Variants in BECN1 observed in about 807,000 individuals in gnomAD.
BECN1 encodes the protein beclin 1.
BECN1 carries 15 observed loss-of-function variants against 60.1 expected under a neutral mutation model. That is an observed-to-expected ratio of 0.25 (90% CI 0.17 to 0.38). BECN1 has a LOEUF of 0.38. Among genes scored for constraint, BECN1 ranks in the 10% least tolerant of loss-of-function variants. BECN1 has a pLI of 1.00. For missense variants in BECN1, 424 were observed against 548.2 expected, an observed-to-expected ratio of 0.77 and a Z score of 2.26; for synonymous variants, 179 against 201.8, an observed-to-expected ratio of 0.89 and a Z score of 0.96.
chr17:42,816,310 A>G (rs1288970104), intron 7 of BECN1, among the ~76,000 whole-genome samples: 2 of 152,216 alleles, frequency 1.3e-5, no homozygotes, highest in Non-Finnish European at 2.9e-5. Flanking sequence ...CAGGGCAAAA[A>G]ACCTCTTATT....
chr17:42,812,064 T>C (rs1164007035), intron 10 of BECN1: 1 of 412,438 alleles, frequency 2.4e-6, no homozygotes, highest in Non-Finnish European at 4.3e-6. Context: ...ACAAAACCTT[T>C]CCAGGAAGAG....
intron 2 of BECN1, among the ~76,000 whole-genome samples, chr17:42,821,973 G>A (rs922476129): frequency 2.0e-5 from 3 of 152,238 alleles, no homozygotes; most frequent in African/African-American, 7.2e-5. Flanking sequence ...TTGGGAGGCT[G>A]AGGCGGGCAG....
rs924343187 is a variant in BECN1 at position 42,820,829 on chromosome 17, G to A, written c.143C>T (p.Thr48Ile). 3 of 1,597,850 alleles carry A rather than the reference G, an allele frequency of 1.9e-6. No homozygotes were observed. Among genetic ancestry groups the A allele is most frequent in the Non-Finnish European group, 8.5e-7 (1 of 1,171,272 alleles). ...TIQELTAPLL[T>I]TAQAKPGETQ... Reference sequence around the variant, plus strand: ...CTCTCCTGGTTTCGCCTGGGCTGTGGTAAGTAATGGAGCTAAGGGCAAGGA... The same window carrying A: ...CTCTCCTGGTTTCGCCTGGGCTGTGATAAGTAATGGAGCTAAGGGCAAGGA... The change falls in exon 3 of 12, where the codon ACC (threonine) becomes ATC (isoleucine). Residue 48 changes from threonine to isoleucine, a missense_variant. Physicochemically the swap from Thr to Ile is moderately conservative, Grantham distance 89. Transcript: ENST00000590099.
chr17:42,810,836 G>A lies in BECN1; in HGVS notation c.1277C>T (p.Thr426Ile). ...CGTCAGCATGAACTTGAGAGCTTTT[G>A]TCCACTGCTCCTCAGAGTTAAACTG... ...KTQFNSEEQW[T>I]KALKFMLTNL... Residue 426 changes from threonine to isoleucine, a missense_variant, in exon 12 of 12, where the codon ACA (threonine) becomes ATA (isoleucine). Thr to Ile is a moderately conservative substitution (Grantham distance 89). Coordinates refer to ENST00000590099, the MANE Select transcript of BECN1 (RefSeq NM_001313998.2). 6.2e-7 allele frequency: 1 copy of A among 1,613,610 alleles called. No individual in the cohort carries two copies. Among genetic ancestry groups the A allele is most frequent in the Non-Finnish European group, 8.5e-7 (1 of 1,179,798 alleles).
At chr17:42,813,915 G>C in intron 10 of BECN1, 33 bp downstream of exon 10, 2 of 1,478,658 alleles carry the variant, frequency 1.4e-6, no homozygotes, top group Non-Finnish European at 1.9e-6. Context: ...TAAGAACTCT[G>C]TATTCCAGTG....
At position 42,814,623 on chromosome 17, in the gene BECN1, G is replaced by C; in HGVS notation, c.881C>G (p.Pro294Arg). ...TINNFRLGRLPSVPVEWNEIN... is the reference protein window; with the variant it reads ...TINNFRLGRLRSVPVEWNEIN... ...CTCATTCCATTCCACGGGAACACTG[G>C]GCAGGCGACCCAGCCTGAAGTTATT... Residue 294 changes from proline (P) to arginine (R), a missense_variant, in exon 9 of 12, where the codon CCC (proline) becomes CGC (arginine). Pro to Arg is a moderately radical substitution (Grantham distance 103). This residue lies in a region of BECN1 where 326 missense variants were observed against 406.2 expected (regional missense o/e 0.80). Coordinates refer to ENST00000590099, the MANE Select transcript of BECN1 (RefSeq NM_001313998.2). 6.2e-7 allele frequency: 1 copy of C among 1,614,144 alleles called. No individual in the cohort carries two copies. The highest frequency in any genetic ancestry group is 8.5e-7 in the Non-Finnish European group (1 of 1,180,030).
chr17:42,819,943 G>C (rs1242261379), intron 3 of BECN1, among the ~76,000 whole-genome samples: 1 of 152,042 alleles, frequency 6.6e-6, no homozygotes, highest in African/African-American at 2.4e-5. Context: ...ATAGTACAAG[G>C]AAAAAGCCAG....
At chr17:42,815,117 C>T (rs1023069898) in intron 8 of BECN1, 1 of 165,310 alleles carries the variant, frequency 6.0e-6, no homozygotes, top group Non-Finnish European at 1.3e-5. Flanking sequence ...ACTTCCCTAG[C>T]TAAAATGCTT....
chr17:42,818,756 A>G (rs1333411908), intron 5 of BECN1, 31 bp downstream of exon 5: 2 of 1,613,926 alleles, frequency 1.2e-6, no homozygotes, highest in East Asian at 4.5e-5. Context: ...AGCCAGGCCT[A>G]CTGCTTGCCA....
chr17:42,810,637 T>C lies in BECN1; in HGVS notation c.*123A>G, dbSNP rs550320415. On this transcript the variant is annotated 3_prime_UTR_variant, in exon 12 of 12. Coordinates refer to ENST00000590099, the MANE Select transcript of BECN1 (RefSeq NM_001313998.2). The stretch of plus-strand genomic sequence containing the variant: ...TTTAAAATAAAGTGGCTTTTGTGGA[T>C]TTTTTCTTTTTTGGTATTGTAAACA... 1.2e-5 allele frequency: 13 copies of C among 1,082,008 alleles called. No homozygotes were observed. The Admixed American group carries it at 1.3e-4, about 10-fold the overall frequency. The allele number at this position is 1,082,008 out of a possible 1,614,324, so 67.0% of individuals were successfully genotyped here. A position where few individuals can be genotyped will look rare whatever the true frequency, so the allele number is the denominator to read the frequency against.
intron 2 of BECN1, among the ~76,000 whole-genome samples, chr17:42,822,446 G>A (rs2055287010): frequency 6.6e-6 from 1 of 152,202 alleles, no homozygotes; most frequent in Admixed American, 6.5e-5. Context: ...ATGACAGCCA[G>A]GATTTAAACC....
rs1474661722 is a variant in BECN1 at position 42,820,764 on chromosome 17, C to T, written c.198+10G>A. ...CATGAGGAGGATAGGGGAGAGGGCACTTCTATTACCTCTCCTGAGTTAGTC... is the reference window on the plus strand; with the variant it reads ...CATGAGGAGGATAGGGGAGAGGGCATTTCTATTACCTCTCCTGAGTTAGTC... On this transcript the variant is annotated intron_variant, in intron 3 of 11. Coordinates refer to ENST00000590099, the MANE Select transcript of BECN1 (RefSeq NM_001313998.2). The T allele has an allele frequency of 1.3e-6, 2 of 1,574,394 alleles. No homozygotes were observed. The highest frequency in any genetic ancestry group is 2.3e-5 in the East Asian group (1 of 43,942).
At position 42,820,715 on chromosome 17, in the gene BECN1, A is replaced by G. The variant is rs374722178; in HGVS notation, c.198+59T>C. ...GCCTGCATTCCTGTTTTCATATCAT[A>G]TCTCTCATTTGGAATGTTTACTACA... On this transcript the variant is annotated intron_variant, in intron 3 of 11. Transcript: ENST00000590099. The G allele has an allele frequency of 5.4e-6, 8 of 1,487,866 alleles. No individual in the cohort carries two copies. The African/African-American group carries it at 5.6e-5, about 10-fold the overall frequency. The allele number at this position is 1,487,866 out of a possible 1,614,324, so 92.2% of individuals were successfully genotyped here. A position where few individuals can be genotyped will look rare whatever the true frequency, so the allele number is the denominator to read the frequency against.
At position 42,810,288 on chromosome 17, in the gene BECN1, G is replaced by C. The variant is rs1371599698; in HGVS notation, c.*472C>G. 2.0e-5 allele frequency: 3 copies of C among 153,354 alleles called. No individual in the cohort carries two copies. Among genetic ancestry groups the C allele is most frequent in the African/African-American group, 7.2e-5 (3 of 41,436 alleles). 9.5% of individuals were successfully genotyped at this position (153,354 alleles called of 1,614,324 possible). A position where few individuals can be genotyped will look rare whatever the true frequency, so the allele number is the denominator to read the frequency against. ...GAAAAGTGTTAAATTTCAAGCATCTGATCACATCACATGGTGACCAGGTAA... is the reference window on the plus strand; with the variant it reads ...GAAAAGTGTTAAATTTCAAGCATCTCATCACATCACATGGTGACCAGGTAA... On this transcript the variant is annotated 3_prime_UTR_variant, in exon 12 of 12. Coordinates refer to ENST00000590099, the MANE Select transcript of BECN1 (RefSeq NM_001313998.2).
rs1007136248 is a variant in BECN1, at chr17:42,815,972, A to G, written c.766T>C (p.Tyr256His). 28 of 1,614,072 alleles carry G rather than the reference A, an allele frequency of 1.7e-5. No individual in the cohort carries two copies. The highest frequency in any genetic ancestry group is 2.4e-5 in the Non-Finnish European group (28 of 1,179,978). ...AGCTTATCCAGCTGCGTCTGGGCATAACGCATCTGGTTTTCAACACTCTTC... is the reference window on the plus strand; with the variant it reads ...AGCTTATCCAGCTGCGTCTGGGCATGACGCATCTGGTTTTCAACACTCTTC... ...ELKSVENQMR[Y>H]AQTQLDKLKK... The change falls in exon 8 of 12, where the codon TAT becomes CAT. Residue 256 changes from tyrosine to histidine, a missense_variant. Transcript: ENST00000590099.
chr17:42,813,878 G>T, intron 10 of BECN1, 70 bp downstream of exon 10: 1 of 1,179,426 alleles, frequency 8.5e-7, no homozygotes, highest in Non-Finnish European at 1.2e-6. Context: ...CAATATCAAA[G>T]CAAACCATCC....
At chr17:42,822,847 AT>A (rs59395884) in intron 2 of BECN1, among the ~76,000 whole-genome samples, 3,086 of 139,530 alleles carry the variant, frequency 0.022, 97 homozygotes, top group South Asian at 0.11. Flanking sequence ...ACACCCAGCA[AT>A]TTTTTTTTTT....
rs1461489173 is a variant in BECN1 at position 42,814,956 on chromosome 17, T to C, written c.831-283A>G. The C allele has an allele frequency of 1.2e-5, 5 of 428,194 alleles. No homozygotes were observed. The East Asian group carries it at 2.3e-4, about 20-fold the overall frequency. The allele number at this position is 428,194 out of a possible 1,614,324, so 26.5% of individuals were successfully genotyped here. On this transcript the variant is annotated intron_variant, in intron 8 of 11. Coordinates refer to ENST00000590099, the MANE Select transcript of BECN1 (RefSeq NM_001313998.2). Reference sequence around the variant, plus strand: ...TTCTACCTGCTAAATATCTTGGATCTTTCCACTTTTCTCCAAATTCAATGC... The same window carrying C: ...TTCTACCTGCTAAATATCTTGGATCCTTCCACTTTTCTCCAAATTCAATGC...
intron 1 of BECN1, 77 bp downstream of exon 1, chr17:42,824,078 G>C (rs1353174563): frequency 4.3e-5 from 26 of 606,076 alleles, no homozygotes; most frequent in Non-Finnish European, 8.3e-6. Context: ...CAGGGTCAGG[G>C]AAGGGACTCC....
Sources: allele counts gnomAD v4.1 joint callset (sites outside exome capture counted in the v4.1 genomes callset), GRCh38; gene constraint gnomAD v4.1.1; regional missense constraint gnomAD v4.1.1; transcripts MANE v1.5; gene names NCBI Gene and HGNC (gene_info 2026-07-23, HGNC 2026-07-21).